The following YBEY variants were observed in gnomAD, a reference collection of about 807,000 sequenced individuals.
YBEY encodes ybeY metalloendoribonuclease.
YBEY carries 15 observed loss-of-function variants against 13.5 expected under a neutral mutation model. That is an observed-to-expected ratio of 1.11 (90% CI 0.75 to 1.72). The LOEUF (loss-of-function observed/expected upper bound fraction) is 1.72, where lower values mean the gene tolerates loss of function less well. Ranked by LOEUF, YBEY falls within the 40% of genes most tolerant of loss-of-function variation. YBEY has a pLI of 0.00. For missense variants in YBEY, 244 were observed against 208.4 expected (o/e 1.17, Z -1.05); for synonymous variants, 101 against 83.1 (o/e 1.21, Z -1.17).
At chr21:46,309,393 C>G in the YBEY span, among the ~76,000 whole-genome samples, 1 of 147,886 alleles carries the variant, frequency 6.8e-6, no homozygotes, top group Non-Finnish European at 1.5e-5. Flanking sequence ...ACCCGGTGGG[C>G]AGAGGTTGAA....
At chr21:46,301,461 C>T (rs1003321420), downstream of YBEY, 72 of 922,696 alleles carry the variant, frequency 7.8e-5, 1 homozygote, top group Admixed American at 2.3e-3. Flanking sequence ...TAGTGGGAGT[C>T]TGTGCCACAG....
At chr21:46,289,481 T>C (rs900359289) in intron 2 of YBEY, among the ~76,000 whole-genome samples, 1 of 123,086 alleles carries the variant, frequency 8.1e-6, no homozygotes, top group Admixed American at 8.8e-5. Flanking sequence ...AGGCTTGCTC[T>C]GTCACCCAGG....
downstream of YBEY, among the ~76,000 whole-genome samples, chr21:46,299,695 CTCAG>C (rs1357678754): frequency 6.6e-6 from 1 of 152,108 alleles, no homozygotes; most frequent in African/African-American, 2.4e-5. Context: ...TTCAACCTCT[CTCAG>C]TGAGTGTCAC....
chr21:46,300,999 C>T (rs1729651202), downstream of YBEY: 1 of 895,362 alleles, frequency 1.1e-6, no homozygotes, highest in Non-Finnish European at 1.5e-6. Context: ...CCTTCCACTG[C>T]CCAGCACTCA....
the YBEY span, among the ~76,000 whole-genome samples, chr21:46,305,544 G>A: frequency 6.6e-6 from 1 of 151,900 alleles, no homozygotes; most frequent in Non-Finnish European, 1.5e-5. Context: ...TGCCCAGGCT[G>A]GTCTTGAACT....
downstream of YBEY, chr21:46,301,022 A>AG: frequency 1.0e-6 from 1 of 992,462 alleles, no homozygotes; most frequent in Non-Finnish European, 1.3e-6. Context: ...TTTGCTTTAC[A>AG]GGAACAAGAG....
intron 2 of YBEY, among the ~76,000 whole-genome samples, chr21:46,287,905 G>C (rs1259553659): frequency 6.6e-6 from 1 of 152,006 alleles, no homozygotes; most frequent in East Asian, 1.9e-4. Flanking sequence ...CTAGCTACCT[G>C]GGAGGCTGAG....
the YBEY span, among the ~76,000 whole-genome samples, chr21:46,312,477 C>A: frequency 6.6e-6 from 1 of 152,252 alleles, no homozygotes; most frequent in Non-Finnish European, 1.5e-5. Flanking sequence ...TGCCACCACG[C>A]CCGGCTAATT....
At chr21:46,286,721 G>A (rs2081451590) in intron 1 of YBEY, 149 bp from the exon 2 acceptor site, 3 of 572,834 alleles carry the variant, frequency 5.2e-6, no homozygotes, top group African/African-American at 3.8e-5. Flanking sequence ...GACCCTCGTT[G>A]TTGCTTCCTC....
intron 3 of YBEY, chr21:46,292,211 A>G (rs1425509317): frequency 1.3e-5 from 2 of 152,270 alleles, no homozygotes; most frequent in African/African-American, 2.4e-5. Flanking sequence ...AGGTTGTACT[A>G]TTGACGTTAT....
chr21:46,302,474 G>C (rs751853299), downstream of YBEY: 8 of 1,592,650 alleles, frequency 5.0e-6, no homozygotes, highest in Admixed American at 1.7e-5. Flanking sequence ...TCTGCTGGGG[G>C]CTAAGCCTAC....
chr21:46,296,444 C>T (rs1429678104), intron 4 of YBEY, among the ~76,000 whole-genome samples: 4 of 152,228 alleles, frequency 2.6e-5, no homozygotes, highest in African/African-American at 9.6e-5. Context: ...GGTCTGAGTG[C>T]AGAGGCCGAG....
At chr21:46,289,552 TCTC>T (rs1442521664) in intron 2 of YBEY, among the ~76,000 whole-genome samples, 3 of 149,816 alleles carry the variant, frequency 2.0e-5, no homozygotes, top group Non-Finnish European at 3.0e-5. Context: ...TCCAAGCGAT[TCTC>T]CTGCTTCAGC....
intron 4 of YBEY, among the ~76,000 whole-genome samples, chr21:46,296,562 G>T (rs536843680): frequency 6.6e-6 from 1 of 152,292 alleles, no homozygotes; most frequent in East Asian, 1.9e-4. Flanking sequence ...GTGAGTTCCG[G>T]GTTGGTTTCC....
the YBEY span, chr21:46,311,414 TA>T: frequency 3.3e-6 from 4 of 1,214,800 alleles, no homozygotes; most frequent in Non-Finnish European, 4.6e-6. Flanking sequence ...TTTCAGTAGA[TA>T]ATTTCCTCAA....
chr21:46,312,994 C>T, the YBEY span: 1 of 985,302 alleles, frequency 1.0e-6, no homozygotes, highest in African/African-American at 1.7e-5. Context: ...TCTGTTTTAT[C>T]CTCTTCTAGC....
chr21:46,299,016 G>A (rs1372239805), downstream of YBEY, among the ~76,000 whole-genome samples: 3 of 150,434 alleles, frequency 2.0e-5, no homozygotes, highest in Admixed American at 1.3e-4. Flanking sequence ...GCCACACACC[G>A]TGTCCGGCCC....
At chr21:46,291,563 C>G in intron 3 of YBEY, 101 bp downstream of exon 3, 1 of 1,545,224 alleles carries the variant, frequency 6.5e-7, no homozygotes, top group Non-Finnish European at 8.7e-7. Context: ...CCGTGGGTAC[C>G]GTAAGGGCTA....
the YBEY span, among the ~76,000 whole-genome samples, chr21:46,312,753 G>A: frequency 6.6e-6 from 1 of 152,164 alleles, no homozygotes; most frequent in Non-Finnish European, 1.5e-5. Flanking sequence ...CCCTAATGAC[G>A]GATGGTGTTG....
Sources: allele counts gnomAD v4.1 joint callset (sites outside exome capture counted in the v4.1 genomes callset), GRCh38; gene constraint gnomAD v4.1.1; transcripts MANE v1.5; gene names NCBI Gene and HGNC (gene_info 2026-07-23, HGNC 2026-07-21).